The following KCNQ5 variants were observed in gnomAD, a reference collection of about 807,000 sequenced individuals.
The protein encoded by KCNQ5 is potassium voltage-gated channel subfamily Q member 5, also known as potassium voltage-gated channel subfamily KQT member 5.
KCNQ5 carries 30 observed loss-of-function variants against 98.2 expected under a neutral mutation model. The observed-to-expected ratio is 0.31, with a 90% CI of 0.23 to 0.41. The LOEUF (loss-of-function observed/expected upper bound fraction) is 0.41, where lower values mean the gene tolerates loss of function less well. Among genes scored for constraint, KCNQ5 ranks in the 10% least tolerant of loss-of-function variants. The probability of loss-of-function intolerance (pLI) is 1.00; values close to 1 mark genes in which losing one functional copy is unlikely to be tolerated. For missense variants in KCNQ5, 835 were observed against 1,182.5 expected (o/e 0.71, Z 4.31); for synonymous variants, 458 against 449.4 (o/e 1.02, Z -0.24).
Position 72,928,065 on chromosome 6 carries a change from T to C in KCNQ5, c.399-75843T>C, listed in dbSNP as rs117605079. 8.0e-3 allele frequency among the ~76,000 whole-genome samples: 1,222 copies of C among 152,166 alleles called. 8 individuals carry two copies. Among genetic ancestry groups the C allele is most frequent in the South Asian group, 0.015 (70 of 4,826 alleles). ...TAAGAAATGTGTACTGCTTGAGAAC[T>C]CTTTAAGCAACAAAAGTGTTGTCTC... On this transcript the variant is annotated intron_variant, in intron 1 of 13. Coordinates refer to ENST00000370398, the MANE Select transcript of KCNQ5 (RefSeq NM_019842.4).
At chr6:72,651,142 A>G (rs1765856343) in intron 1 of KCNQ5, among the ~76,000 whole-genome samples, 1 of 151,962 alleles carries the variant, frequency 6.6e-6, no homozygotes, top group African/African-American at 2.4e-5. Flanking sequence ...TAACATAGCT[A>G]CCCCCTTATG....
intron 3 of KCNQ5, among the ~76,000 whole-genome samples, chr6:73,052,005 A>C (rs1296891156): frequency 1.3e-5 from 2 of 152,234 alleles, no homozygotes; most frequent in Admixed American, 6.5e-5. Context: ...AAAGTGATAC[A>C]GGAGATGAAA....
chr6:72,762,142 C>A (rs1439191533), intron 1 of KCNQ5, among the ~76,000 whole-genome samples: 2 of 152,032 alleles, frequency 1.3e-5, no homozygotes, highest in Non-Finnish European at 2.9e-5. Flanking sequence ...CCAGGTAAAT[C>A]TGAAATATGT....
intron 1 of KCNQ5, among the ~76,000 whole-genome samples, chr6:72,695,625 T>C (rs1768449425): frequency 6.6e-6 from 1 of 152,154 alleles, no homozygotes; most frequent in Non-Finnish European, 1.5e-5. Flanking sequence ...ACTGTGTTTA[T>C]AATATATAAT....
chr6:73,129,052 A>T lies in KCNQ5; in HGVS notation c.1248-4369A>T, dbSNP rs192136813. On this transcript the variant is annotated intron_variant, in intron 9 of 13. Coordinates refer to ENST00000370398, the MANE Select transcript of KCNQ5 (RefSeq NM_019842.4). ...ATTTTCTTTCTTCTGTGTGCAATGAATGATCTGCATGTGTTGTTAAACTAA... is the reference window on the plus strand; with the variant it reads ...ATTTTCTTTCTTCTGTGTGCAATGATTGATCTGCATGTGTTGTTAAACTAA... Among the ~76,000 whole-genome samples the T allele has an allele frequency of 1.6e-4, 25 of 152,354 alleles. No homozygotes were observed. The East Asian group carries it at 2.1e-3, about 13-fold the overall frequency.
At chr6:72,685,526 A>AT (rs1426123317) in intron 1 of KCNQ5, among the ~76,000 whole-genome samples, 1 of 152,104 alleles carries the variant, frequency 6.6e-6, no homozygotes, top group African/African-American at 2.4e-5. Flanking sequence ...CTATCCTTGC[A>AT]TTTTTTATAT....
intron 9 of KCNQ5, chr6:73,129,673 G>A: frequency 2.7e-6 from 2 of 733,786 alleles, no homozygotes; most frequent in Non-Finnish European, 4.5e-6. Context: ...TAAATAGTCT[G>A]TGTACTTCTA....
chr6:72,987,631 T>G, intron 1 of KCNQ5: 1 of 597,754 alleles, frequency 1.7e-6, no homozygotes, highest in Non-Finnish European at 3.1e-6. Context: ...GCAGCAGGAC[T>G]GTGACCGGGC....
chr6:73,052,679 G>A (rs767191963), intron 3 of KCNQ5, among the ~76,000 whole-genome samples: 6 of 152,146 alleles, frequency 3.9e-5, no homozygotes, highest in Non-Finnish European at 7.4e-5. Flanking sequence ...CTTTTCAGGC[G>A]AGCAAATGCT....
intron 10 of KCNQ5, among the ~76,000 whole-genome samples, chr6:73,160,649 C>T (rs1777583285): frequency 6.6e-6 from 1 of 152,178 alleles, no homozygotes; most frequent in Non-Finnish European, 1.5e-5. Context: ...CAAATTGCTC[C>T]TCTGCAAAAT....
In KCNQ5 at chr6:72,636,717, C is replaced by A. The variant is rs983661640; in HGVS notation, c.398+14130C>A. ...TAAGTGTAAGACCCTAGAGTAGGAA[C>A]TATAGGGCTTAACATAAATAAGACA... On this transcript the variant is annotated intron_variant, in intron 1 of 13. Transcript: ENST00000370398. Among the ~76,000 whole-genome samples the A allele has an allele frequency of 2.0e-5, 3 of 152,128 alleles. 1 individual carries two copies. Among genetic ancestry groups the A allele is most frequent in the Non-Finnish European group, 4.4e-5 (3 of 68,026 alleles).
At chr6:72,895,738 C>CCATAAA (rs1779228134) in intron 1 of KCNQ5, among the ~76,000 whole-genome samples, 1 of 149,864 alleles carries the variant, frequency 6.7e-6, no homozygotes. Context: ...CATAATAGGC[C>CCATAAA]TAATGCATTT....
chr6:73,042,813 T>C (rs1354072922), intron 3 of KCNQ5, among the ~76,000 whole-genome samples: 1 of 152,176 alleles, frequency 6.6e-6, no homozygotes, highest in Non-Finnish European at 1.5e-5. Context: ...CATTTCCCAG[T>C]AATATTTAAA....
At chr6:72,959,857 A>C (rs574384671) in intron 1 of KCNQ5, among the ~76,000 whole-genome samples, 2 of 152,372 alleles carry the variant, frequency 1.3e-5, no homozygotes, top group South Asian at 2.1e-4. Context: ...AAAGCACAGA[A>C]GTGTGAAAAG....
intron 1 of KCNQ5, among the ~76,000 whole-genome samples, chr6:72,632,932 T>C (rs1366162077): frequency 6.6e-6 from 1 of 152,186 alleles, no homozygotes; most frequent in Non-Finnish European, 1.5e-5. Flanking sequence ...ATCTATTTCC[T>C]TTGGGTATAT....
At chr6:72,842,393 A>G (rs1404723842) in intron 1 of KCNQ5, among the ~76,000 whole-genome samples, 1 of 152,240 alleles carries the variant, frequency 6.6e-6, no homozygotes, top group East Asian at 1.9e-4. Context: ...TGCATACTGC[A>G]TGCATACATG....
intron 1 of KCNQ5, among the ~76,000 whole-genome samples, chr6:72,777,185 T>C (rs946974782): frequency 6.6e-6 from 1 of 152,180 alleles, no homozygotes; most frequent in African/African-American, 2.4e-5. Flanking sequence ...AAATAGAAAG[T>C]TATTGCAAGG....
rs140551004 is a variant in KCNQ5, at chr6:73,140,748, T to C, written c.1468+7107T>C. 5.8e-3 allele frequency among the ~76,000 whole-genome samples: 882 copies of C among 152,352 alleles called. 9 individuals are homozygous for C. The highest frequency in any genetic ancestry group is 0.02 in the African/African-American group (820 of 41,578). On this transcript the variant is annotated intron_variant, in intron 10 of 13. Coordinates refer to ENST00000370398, the MANE Select transcript of KCNQ5 (RefSeq NM_019842.4). ...GCAAAACCCTACAAAGGGTATTCAG[T>C]AGGATTCTAAAACGCACTTTCAGTA...
chr6:72,731,405 A>ATT (rs1770545325), intron 1 of KCNQ5, among the ~76,000 whole-genome samples: 3 of 152,238 alleles, frequency 2.0e-5, no homozygotes, highest in Non-Finnish European at 4.4e-5. Flanking sequence ...CCCAAATAAC[A>ATT]GTGTCTTTCA....
Sources: allele counts gnomAD v4.1 joint callset (sites outside exome capture counted in the v4.1 genomes callset), GRCh38; gene constraint gnomAD v4.1.1; transcripts MANE v1.5; gene names NCBI Gene and HGNC (gene_info 2026-07-23, HGNC 2026-07-21).